HS3ST5: variants seen among roughly 807,000 people sequenced by gnomAD.
HS3ST5 encodes heparan sulfate-glucosamine 3-sulfotransferase 5, also known as heparan sulfate glucosamine 3-O-sulfotransferase 5.
In HS3ST5, 10 loss-of-function variants were observed where a neutral mutation model predicts 25.4. The observed-to-expected ratio is 0.39, with a 90% confidence interval of 0.24 to 0.67. The LOEUF (loss-of-function observed/expected upper bound fraction) is 0.67. Ranked by LOEUF, HS3ST5 falls within the 30% of genes least tolerant of loss-of-function variation. The pLI is 0.44. For missense variants in HS3ST5, 324 were observed against 420.7 expected (o/e 0.77, Z 2.01); for synonymous variants, 170 against 162.4 (o/e 1.05, Z -0.36).
At chr6:114,253,140 A>G (rs1772740489) in intron 1 of HS3ST5, among the ~76,000 whole-genome samples, 1 of 152,154 alleles carries the variant, frequency 6.6e-6, no homozygotes, top group Non-Finnish European at 1.5e-5. Context: ...GGCTGCAGTG[A>G]GCTATTGTGG....
intron 3 of HS3ST5, among the ~76,000 whole-genome samples, chr6:114,151,205 C>T (rs889939286): frequency 1.3e-5 from 2 of 152,060 alleles, no homozygotes; most frequent in African/African-American, 4.8e-5. Flanking sequence ...ATTATCTGAC[C>T]CACAAAATAG....
At chr6:114,237,206 G>A (rs943243020) in intron 1 of HS3ST5, among the ~76,000 whole-genome samples, 4 of 152,236 alleles carry the variant, frequency 2.6e-5, no homozygotes, top group South Asian at 4.1e-4. Flanking sequence ...CTATTGTACA[G>A]CATCATTTCT....
At chr6:114,068,607 T>C (rs1773603647) in intron 3 of HS3ST5, among the ~76,000 whole-genome samples, 1 of 152,196 alleles carries the variant, frequency 6.6e-6, no homozygotes, top group Non-Finnish European at 1.5e-5. Context: ...GGGTAGAGTG[T>C]TAACTGCTTC....
intron 3 of HS3ST5, among the ~76,000 whole-genome samples, chr6:114,129,475 T>TA (rs1777222740): frequency 6.6e-6 from 1 of 152,210 alleles, no homozygotes; most frequent in African/African-American, 2.4e-5. Context: ...CAGGATGGTC[T>TA]CGATCTCCTG....
intron 3 of HS3ST5, among the ~76,000 whole-genome samples, chr6:114,084,976 T>G (rs1185653447): frequency 9.2e-5 from 14 of 151,470 alleles, no homozygotes; most frequent in Admixed American, 9.2e-4. Context: ...GGACTACAGG[T>G]GCGCACCACC....
intron 1 of HS3ST5, among the ~76,000 whole-genome samples, chr6:114,337,126 T>A (rs1315528166): frequency 6.6e-6 from 1 of 152,230 alleles, no homozygotes; most frequent in Non-Finnish European, 1.5e-5. Context: ...TCATAAAAGT[T>A]ATTATTCCAC....
At chr6:114,306,780 A>C (rs991519867) in intron 1 of HS3ST5, among the ~76,000 whole-genome samples, 2 of 152,230 alleles carry the variant, frequency 1.3e-5, no homozygotes, top group African/African-American at 2.4e-5. Context: ...TAAAAGGATT[A>C]AGAAATCTAG....
chr6:114,130,630 C>T (rs544165008), intron 3 of HS3ST5, among the ~76,000 whole-genome samples: 9 of 152,140 alleles, frequency 5.9e-5, no homozygotes, highest in East Asian at 1.9e-4. Context: ...AGTACAGTGG[C>T]GCAATCTCGG....
chr6:114,303,280 C>A (rs987967844), intron 1 of HS3ST5, among the ~76,000 whole-genome samples: 2 of 151,540 alleles, frequency 1.3e-5, no homozygotes, highest in African/African-American at 4.9e-5. Flanking sequence ...CATGTTTGTC[C>A]CAGATATTTA....
chr6:114,179,654 G>GT (rs5879251), intron 2 of HS3ST5, among the ~76,000 whole-genome samples: 76 of 91,548 alleles, frequency 8.3e-4, no homozygotes, highest in African/African-American at 1.8e-3. Context: ...ATTAGTCAGG[G>GT]TTTTTTTTTT....
chr6:114,061,760 G>A (rs1172851896), intron 4 of HS3ST5, among the ~76,000 whole-genome samples: 2 of 152,106 alleles, frequency 1.3e-5, no homozygotes, highest in Middle Eastern at 3.2e-3. Context: ...AACCAGCCTG[G>A]CCAACACAGT....
intron 3 of HS3ST5, chr6:114,112,361 G>C (rs921292065): frequency 6.6e-6 from 1 of 152,316 alleles, no homozygotes; most frequent in African/African-American, 2.4e-5. Flanking sequence ...AAAGCCAAGA[G>C]ATGAGCTCCA....
At chr6:114,260,022 A>G (rs1419735536) in intron 1 of HS3ST5, among the ~76,000 whole-genome samples, 3 of 152,348 alleles carry the variant, frequency 2.0e-5, no homozygotes, top group East Asian at 3.9e-4. Context: ...GTTTTTACAC[A>G]TAAGAATTCA....
In HS3ST5 at chr6:114,138,442, T is replaced by C. The variant is rs150272957; in HGVS notation, c.-33+29909A>G. Among the ~76,000 whole-genome samples, 687 of 152,322 alleles carry C rather than the reference T, an allele frequency of 4.5e-3. 5 individuals carry two copies. Among genetic ancestry groups the C allele is most frequent in the African/African-American group, 0.016 (650 of 41,574 alleles). ...AGCAGTTGCTACTTAAATGATGGAA[T>C]GGTGGAAATGTGGGCAAAAGGTCTT... is the stretch of plus-strand genomic sequence containing the variant. On this transcript the variant is annotated intron_variant, in intron 3 of 4. Coordinates refer to ENST00000312719, the MANE Select transcript of HS3ST5 (RefSeq NM_153612.4).
At chr6:114,169,292 A>AACACACAC (rs367564397) in intron 2 of HS3ST5, among the ~76,000 whole-genome samples, 8 of 150,890 alleles carry the variant, frequency 5.3e-5, no homozygotes, top group Non-Finnish European at 1.5e-5. Context: ...TTTAGGGTAC[A>AACACACAC]ACACACACAC....
At chr6:114,274,871 C>G (rs559262093) in intron 1 of HS3ST5, among the ~76,000 whole-genome samples, 2 of 151,864 alleles carry the variant, frequency 1.3e-5, no homozygotes, top group Non-Finnish European at 2.9e-5. Context: ...TCTTTGTGCT[C>G]GTTAGCACCT....
chr6:114,248,436 T>C (rs1772487689), intron 1 of HS3ST5, among the ~76,000 whole-genome samples: 1 of 151,778 alleles, frequency 6.6e-6, no homozygotes, highest in South Asian at 2.1e-4. Flanking sequence ...AAAGTTATGT[T>C]AGTTTTGCTA....
At chr6:114,214,734 A>T (rs1781672021) in intron 2 of HS3ST5, among the ~76,000 whole-genome samples, 1 of 152,224 alleles carries the variant, frequency 6.6e-6, no homozygotes. Context: ...CTTTTCAGAC[A>T]CTATTTCTGA....
intron 3 of HS3ST5, among the ~76,000 whole-genome samples, chr6:114,119,632 A>G (rs1261080984): frequency 1.3e-5 from 2 of 152,218 alleles, no homozygotes; most frequent in Admixed American, 6.5e-5. Flanking sequence ...TATCCTAATT[A>G]TAAATTTTAA....
Sources: allele counts gnomAD v4.1 joint callset (sites outside exome capture counted in the v4.1 genomes callset), GRCh38; gene constraint gnomAD v4.1.1; transcripts MANE v1.5; gene names NCBI Gene and HGNC (gene_info 2026-07-23, HGNC 2026-07-21).